Variants in COG5 observed in about 807,000 individuals in gnomAD.
The protein encoded by COG5 is conserved oligomeric Golgi complex subunit 5.
Under a neutral mutation model 110.4 loss-of-function variants are expected in COG5, and 86 were observed. The ratio of observed to expected loss-of-function variants is 0.78; its 90% CI spans 0.65 to 0.93. COG5 has a LOEUF of 0.93. Among genes scored for constraint, COG5 ranks in the 40% least tolerant of loss-of-function variants. The pLI, the probability that COG5 is intolerant of heterozygous loss-of-function variation, is 0.00. For missense variants in COG5, 1,077 were observed against 987.0 expected (o/e 1.09, Z -1.22); for synonymous variants, 360 against 334.6 (o/e 1.08, Z -0.83).
intron 6 of COG5, among the ~76,000 whole-genome samples, chr7:107,484,877 C>T (rs907917560): frequency 3.3e-5 from 5 of 149,576 alleles, no homozygotes; most frequent in Admixed American, 1.3e-4. Context: ...TGAATCATTT[C>T]GTAACACACC....
At chr7:107,396,661 A>C (rs1791038038) in intron 7 of COG5, among the ~76,000 whole-genome samples, 1 of 152,234 alleles carries the variant, frequency 6.6e-6, no homozygotes, top group Non-Finnish European at 1.5e-5. Flanking sequence ...GAGTATAAAA[A>C]TGATCAATAT....
chr7:107,433,577 G>C (rs770901626), intron 6 of COG5, among the ~76,000 whole-genome samples: 5 of 152,138 alleles, frequency 3.3e-5, no homozygotes, highest in Non-Finnish European at 4.4e-5. Context: ...AACAGGAAAA[G>C]GACAGTGTTT....
chr7:107,476,514 A>G (rs1351948909), intron 6 of COG5, among the ~76,000 whole-genome samples: 1 of 151,600 alleles, frequency 6.6e-6, no homozygotes, highest in East Asian at 1.9e-4. Context: ...ACTTAATTTA[A>G]CTTTAGGCAT....
intron 12 of COG5, among the ~76,000 whole-genome samples, chr7:107,285,789 C>A (rs1194527971): frequency 2.5e-4 from 38 of 151,418 alleles, no homozygotes; most frequent in Non-Finnish European, 1.5e-5. Flanking sequence ...TTGCTTGAAC[C>A]CAGGAGGAAA....
chr7:107,503,969 G>A (rs940890808), intron 6 of COG5, among the ~76,000 whole-genome samples: 55 of 152,166 alleles, frequency 3.6e-4, no homozygotes, highest in African/African-American at 1.3e-3. Context: ...TTTCCAATTT[G>A]GAAGCCCTTT....
intron 18 of COG5, among the ~76,000 whole-genome samples, chr7:107,235,863 C>A (rs1801147661): frequency 6.6e-6 from 1 of 152,124 alleles, no homozygotes; most frequent in Admixed American, 6.5e-5. Flanking sequence ...TCTATAAGAG[C>A]TGATAATGTT....
At position 107,445,839 on chromosome 7, in the gene COG5, C is replaced by T. The variant is rs1425201950; in HGVS notation, c.539-33207G>A. Among the ~76,000 whole-genome samples the T allele has an allele frequency of 7.2e-5, 11 of 152,206 alleles. No homozygotes were observed. The East Asian group carries it at 2.1e-3, about 29-fold the overall frequency. On this transcript the variant is annotated intron_variant, in intron 6 of 21. Transcript: ENST00000297135. ...GAGTAATCATGCGCTAGGCACTATG[C>T]TACAAGACACACCAACAAACAAAAG...
chr7:107,206,716 G>A (rs1455779265), intron 21 of COG5, among the ~76,000 whole-genome samples: 4 of 150,862 alleles, frequency 2.7e-5, no homozygotes, highest in Admixed American at 6.6e-5. Flanking sequence ...AAGACATCAC[G>A]TAAGTTACAC....
chr7:107,236,315 CTATT>C (rs1801186709), intron 18 of COG5, 131 bp downstream of exon 18: 1 of 639,014 alleles, frequency 1.6e-6, no homozygotes, highest in Middle Eastern at 3.4e-4. Flanking sequence ...TTTTTTTTAA[CTATT>C]TATGCTTAAG....
chr7:107,512,475 G>A (rs1799595638), intron 6 of COG5, among the ~76,000 whole-genome samples: 1 of 151,628 alleles, frequency 6.6e-6, no homozygotes, highest in Non-Finnish European at 1.5e-5. Context: ...TACTGCCCAA[G>A]GTAATTTATA....
At chr7:107,388,254 A>G (rs1790350909) in intron 7 of COG5, among the ~76,000 whole-genome samples, 1 of 152,252 alleles carries the variant, frequency 6.6e-6, no homozygotes, top group Admixed American at 6.5e-5. Flanking sequence ...GAATTTGGAA[A>G]ACTTAGATAT....
At chr7:107,510,895 G>C (rs992445311) in intron 6 of COG5, among the ~76,000 whole-genome samples, 6 of 152,208 alleles carry the variant, frequency 3.9e-5, no homozygotes, top group African/African-American at 1.4e-4. Context: ...ATTCAAAGCA[G>C]TGTGTAGAGG....
At chr7:107,295,171 A>C (rs1400827578) in intron 12 of COG5, among the ~76,000 whole-genome samples, 1 of 134,054 alleles carries the variant, frequency 7.5e-6, no homozygotes, top group Non-Finnish European at 1.5e-5. Flanking sequence ...TCCTGACCTC[A>C]AGTGATCCAC....
Position 107,397,224 on chromosome 7 carries a change from C to T in COG5, c.669+15278G>A, listed in dbSNP as rs138531216. 1.8e-4 allele frequency among the ~76,000 whole-genome samples: 27 copies of T among 152,296 alleles called. No homozygotes were observed. In the East Asian group the frequency reaches 4.6e-3, roughly 26 times the overall value. On this transcript the variant is annotated intron_variant, in intron 7 of 21. Coordinates refer to ENST00000297135, the MANE Select transcript of COG5 (RefSeq NM_006348.5). ...TTTGGGGAAGGATATTATAACAACA[C>T]CTTTTGACTCACAACTGGCTCTGCC... is the stretch of plus-strand genomic sequence containing the variant.
intron 6 of COG5, among the ~76,000 whole-genome samples, chr7:107,497,826 A>G (rs1162688186): frequency 6.6e-6 from 1 of 152,202 alleles, no homozygotes; most frequent in East Asian, 1.9e-4. Context: ...AAGACCCTGA[A>G]TAGTCAAAAG....
intron 21 of COG5, chr7:107,210,261 T>C (rs1203744219): frequency 5.3e-5 from 70 of 1,329,422 alleles, no homozygotes; most frequent in Non-Finnish European, 6.4e-5. Context: ...AAGGTACAAA[T>C]GCATGGTCCT....
chr7:107,527,831 G>A (rs767328389), intron 5 of COG5, among the ~76,000 whole-genome samples: 2 of 152,136 alleles, frequency 1.3e-5, no homozygotes, highest in African/African-American at 2.4e-5. Context: ...ATTCAAGTGG[G>A]TAGACTGAAA....
At chr7:107,334,402 T>C (rs748232304) in intron 10 of COG5, among the ~76,000 whole-genome samples, 6 of 151,876 alleles carry the variant, frequency 4.0e-5, no homozygotes, top group African/African-American at 1.5e-4. Context: ...ACTTCCAAAA[T>C]TTGAGAAAGC....
chr7:107,447,303 C>T (rs1212208118), intron 6 of COG5, among the ~76,000 whole-genome samples: 1 of 152,182 alleles, frequency 6.6e-6, no homozygotes, highest in Non-Finnish European at 1.5e-5. Context: ...TCATGTATTA[C>T]TTAGCCCATA....
Sources: allele counts gnomAD v4.1 joint callset (sites outside exome capture counted in the v4.1 genomes callset), GRCh38; gene constraint gnomAD v4.1.1; transcripts MANE v1.5; gene names NCBI Gene and HGNC (gene_info 2026-07-23, HGNC 2026-07-21).